ABCB5: variants seen among roughly 807,000 people sequenced by gnomAD.
ABCB5 encodes the protein ATP-binding cassette sub-family B member 5.
A neutral mutation model predicts 144.2 loss-of-function variants in ABCB5; 155 were observed. That is an observed-to-expected ratio of 1.08 (90% confidence interval 0.94 to 1.23). ABCB5 has a LOEUF of 1.23. ABCB5 is among the 50% of genes most tolerant of loss of function. The pLI, the probability that ABCB5 is intolerant of heterozygous loss-of-function variation, is 0.00. For synonymous variants in ABCB5, 610 were observed against 528.6 expected, an observed-to-expected ratio of 1.15 and a Z score of -2.11; for missense variants, 1,830 against 1,520.8, an observed-to-expected ratio of 1.20 and a Z score of -3.38.
At chr7:20,626,754 G>T (rs573729414) in intron 3 of ABCB5, 143 bp downstream of exon 3, 6 of 715,106 alleles carry the variant, frequency 8.4e-6, no homozygotes, top group South Asian at 3.2e-5. Context: ...TATGATTTTC[G>T]ATAGAAAAAA....
At chr7:20,741,409 A>G (rs1344921664) in intron 24 of ABCB5, among the ~76,000 whole-genome samples, 1 of 152,060 alleles carries the variant, frequency 6.6e-6, no homozygotes, top group Admixed American at 6.5e-5. Flanking sequence ...ATACAAATGC[A>G]GAGAGGGAAG....
At chr7:20,694,021 C>T (rs148889411) in intron 16 of ABCB5, among the ~76,000 whole-genome samples, 335 of 148,080 alleles carry the variant, frequency 2.3e-3, no homozygotes, top group African/African-American at 7.9e-3. Flanking sequence ...TTCTTTTTTC[C>T]CTAAAAAAAA....
intron 15 of ABCB5, among the ~76,000 whole-genome samples, chr7:20,684,394 T>C (rs1785924161): frequency 6.6e-6 from 1 of 152,194 alleles, no homozygotes; most frequent in Admixed American, 6.5e-5. Context: ...AAATGTATTA[T>C]GAAGAGAGGT....
At chr7:20,736,713 G>T (rs1254131822) in intron 23 of ABCB5, among the ~76,000 whole-genome samples, 1 of 152,198 alleles carries the variant, frequency 6.6e-6, no homozygotes, top group Non-Finnish European at 1.5e-5. Context: ...ATGTTACGGA[G>T]TTACAGCACG....
intron 5 of ABCB5, among the ~76,000 whole-genome samples, chr7:20,634,893 C>A (rs1171727863): frequency 6.6e-6 from 1 of 152,066 alleles, no homozygotes; most frequent in Non-Finnish European, 1.5e-5. Context: ...TTTTGCTGTG[C>A]AGAAGCTTTT....
At chr7:20,622,589 C>G (rs893914611) in intron 1 of ABCB5, among the ~76,000 whole-genome samples, 4 of 151,816 alleles carry the variant, frequency 2.6e-5, no homozygotes, top group Non-Finnish European at 4.4e-5. Context: ...GTTATAGGGC[C>G]TAACAACTGA....
In ABCB5 at chr7:20,728,418, A is replaced by C; in HGVS notation, c.2830A>C (p.Ile944Leu). 6.2e-7 allele frequency: 1 copy of C among 1,614,136 alleles called. No homozygotes were observed. Among genetic ancestry groups the C allele is most frequent in the Non-Finnish European group, 8.5e-7 (1 of 1,180,000 alleles). Residue 944 changes from isoleucine (I) to leucine (L), a missense_variant, in exon 23 of 28, where the codon ATT (isoleucine) becomes CTT (leucine). Transcript: ENST00000404938. ...AAGFRFGAYL[I>L]QAGRMTPEGM... ...AGGGTTTCGATTTGGAGCCTATTTA[A>C]TTCAAGCTGGACGAATGACCCCAGA...
intron 5 of ABCB5, among the ~76,000 whole-genome samples, chr7:20,640,311 AC>A (rs1468278045): frequency 3.9e-5 from 6 of 152,154 alleles, no homozygotes; most frequent in Non-Finnish European, 8.8e-5. Flanking sequence ...CTGGTGACAA[AC>A]TTTTCGTCAA....
At chr7:20,706,581 G>T (rs1294580757) in intron 20 of ABCB5, among the ~76,000 whole-genome samples, 1 of 152,228 alleles carries the variant, frequency 6.6e-6, no homozygotes, top group East Asian at 1.9e-4. Flanking sequence ...CATTGTTGCA[G>T]TTATTAAGTG....
At chr7:20,625,915 T>C (rs920241487) in intron 2 of ABCB5, among the ~76,000 whole-genome samples, 1 of 152,208 alleles carries the variant, frequency 6.6e-6, no homozygotes. Context: ...CAACAAAACG[T>C]GGCAAAAACA....
chr7:20,642,192 T>C (rs1214920951), intron 5 of ABCB5, among the ~76,000 whole-genome samples: 2 of 152,178 alleles, frequency 1.3e-5, no homozygotes, highest in Admixed American at 6.5e-5. Flanking sequence ...GAATAAAACA[T>C]GAACAGTGCA....
At chr7:20,649,268 T>G (rs779745090) in intron 11 of ABCB5, among the ~76,000 whole-genome samples, 1 of 152,154 alleles carries the variant, frequency 6.6e-6, no homozygotes, top group Non-Finnish European at 1.5e-5. Context: ...GGTTTTATGT[T>G]TGGCTTATGC....
chr7:20,660,070 A>G, intron 14 of ABCB5: 4 of 985,436 alleles, frequency 4.1e-6, no homozygotes, highest in Non-Finnish European at 4.8e-6. Context: ...ATTTTCATCC[A>G]CTGGTAATCA....
At chr7:20,648,512 G>A (rs6950237) in intron 11 of ABCB5, among the ~76,000 whole-genome samples, 54,204 of 151,816 alleles carry the variant, frequency 0.36, 10,396 homozygotes, top group African/African-American at 0.5. Context: ...GTACTTTATC[G>A]CCTTTACACA....
At chr7:20,742,786 A>C (rs1782601826) in intron 24 of ABCB5, 91 bp from the exon 25 acceptor site, 1 of 1,289,388 alleles carries the variant, frequency 7.8e-7, no homozygotes, top group African/African-American at 1.5e-5. Flanking sequence ...GGAAACATGC[A>C]CAATTTTCAA....
intron 16 of ABCB5, among the ~76,000 whole-genome samples, chr7:20,696,646 A>T (rs1786425149): frequency 6.6e-6 from 1 of 152,066 alleles, no homozygotes; most frequent in African/African-American, 2.4e-5. Flanking sequence ...AATATTTTAG[A>T]TATCACTTTT....
intron 16 of ABCB5, among the ~76,000 whole-genome samples, chr7:20,690,110 T>C (rs1361955332): frequency 6.6e-6 from 1 of 152,182 alleles, no homozygotes; most frequent in Non-Finnish European, 1.5e-5. Context: ...TCAGAGCCCA[T>C]TAACCTGAAT....
At chr7:20,625,250 T>C (rs1041791128) in intron 2 of ABCB5, among the ~76,000 whole-genome samples, 3 of 152,226 alleles carry the variant, frequency 2.0e-5, no homozygotes, top group African/African-American at 7.2e-5. Context: ...TGAATTGTCA[T>C]TTATCAAAGC....
At chr7:20,681,446 G>A (rs967174917) in intron 14 of ABCB5, 59 bp from the exon 15 acceptor site, 7 of 1,583,714 alleles carry the variant, frequency 4.4e-6, no homozygotes, top group Non-Finnish European at 6.0e-6. Flanking sequence ...TTCTTAAACA[G>A]TGCAAAGGTT....
Sources: allele counts gnomAD v4.1 joint callset (sites outside exome capture counted in the v4.1 genomes callset), GRCh38; gene constraint gnomAD v4.1.1; transcripts MANE v1.5; gene names NCBI Gene and HGNC (gene_info 2026-07-23, HGNC 2026-07-21).